Variants in KIAA1217 observed in about 807,000 individuals in gnomAD.
The protein encoded by KIAA1217 is KIAA1217.
A neutral mutation model predicts 163.9 loss-of-function variants in KIAA1217; 88 were observed. The observed-to-expected ratio is 0.54, with a 90% confidence interval of 0.45 to 0.64. KIAA1217 has a LOEUF of 0.64. Among genes scored for constraint, KIAA1217 ranks in the 30% least tolerant of loss-of-function variants. The probability of loss-of-function intolerance (pLI) is 0.00; values close to 1 mark genes in which losing one functional copy is unlikely to be tolerated. For synonymous variants in KIAA1217, 903 were observed against 923.1 expected (o/e 0.98, Z 0.39); for missense variants, 2,372 against 2,475.0 (o/e 0.96, Z 0.88).
At chr10:23,739,063 C>T (rs576916794) in intron 1 of KIAA1217, among the ~76,000 whole-genome samples, 2 of 152,138 alleles carry the variant, frequency 1.3e-5, no homozygotes, top group African/African-American at 2.4e-5. Context: ...AAATACTATT[C>T]ACCTATAAAA....
chr10:24,449,449 T>C (rs929665088), intron 5 of KIAA1217: 12 of 985,356 alleles, frequency 1.2e-5, no homozygotes, highest in Non-Finnish European at 1.4e-5. Flanking sequence ...GGAAGAAACA[T>C]TTCTCGTTAG....
intron 2 of KIAA1217, among the ~76,000 whole-genome samples, chr10:24,329,647 G>A (rs2045401517): frequency 6.6e-6 from 1 of 152,100 alleles, no homozygotes; most frequent in African/African-American, 2.4e-5. Context: ...GTGTTAGATA[G>A]GAATGAAAAT....
intron 2 of KIAA1217, among the ~76,000 whole-genome samples, chr10:24,346,132 T>A (rs2047730090): frequency 4.6e-5 from 7 of 152,172 alleles, no homozygotes; most frequent in Admixed American, 4.6e-4. Flanking sequence ...AAGGTTCACG[T>A]ATGTGGCAGC....
At chr10:24,293,531 A>G (rs1481547068) in intron 2 of KIAA1217, among the ~76,000 whole-genome samples, 2 of 148,738 alleles carry the variant, frequency 1.3e-5, no homozygotes, top group Non-Finnish European at 3.0e-5. Flanking sequence ...CTTTTCCTCT[A>G]GCTTGTAACC....
chr10:23,798,654 T>C (rs968068149), intron 1 of KIAA1217, among the ~76,000 whole-genome samples: 4 of 152,130 alleles, frequency 2.6e-5, no homozygotes, highest in Non-Finnish European at 5.9e-5. Flanking sequence ...CTCCTAAAAC[T>C]AGAAAAGAAA....
At chr10:23,874,975 C>A (rs966011925) in intron 1 of KIAA1217, among the ~76,000 whole-genome samples, 1 of 151,912 alleles carries the variant, frequency 6.6e-6, no homozygotes, top group Non-Finnish European at 1.5e-5. Context: ...TGGTGGAAGA[C>A]AAAGGAGGAG....
At chr10:24,385,661 A>G (rs941854013) in intron 3 of KIAA1217, among the ~76,000 whole-genome samples, 1 of 152,172 alleles carries the variant, frequency 6.6e-6, no homozygotes, top group Admixed American at 6.5e-5. Context: ...ACTTCCACAG[A>G]GTGATGGGTT....
chr10:24,481,654 G>A (rs1312291230), intron 6 of KIAA1217: 1 of 152,160 alleles, frequency 6.6e-6, no homozygotes, highest in African/African-American at 2.4e-5. Flanking sequence ...TTTATTCCAA[G>A]TTCTAAACAA....
chr10:24,523,933 A>G (rs920423252), intron 12 of KIAA1217, among the ~76,000 whole-genome samples: 3 of 152,198 alleles, frequency 2.0e-5, no homozygotes, highest in African/African-American at 4.8e-5. Context: ...ACAGGTTGAG[A>G]TACAGAAGAG....
At chr10:24,262,628 GA>G (rs1331931820) in intron 2 of KIAA1217, among the ~76,000 whole-genome samples, 2,094 of 70,794 alleles carry the variant, frequency 0.03, 32 homozygotes, top group African/African-American at 0.077. Context: ...CCGTCTCAAA[GA>G]AAAAAAAAAA....
At chr10:24,071,255 C>T (rs1035133824) in intron 2 of KIAA1217, among the ~76,000 whole-genome samples, 11 of 152,014 alleles carry the variant, frequency 7.2e-5, no homozygotes, top group Admixed American at 2.0e-4. Flanking sequence ...CAAAACATTG[C>T]GAGTTTTGTT....
At chr10:23,986,937 C>A (rs1194829043) in intron 1 of KIAA1217, among the ~76,000 whole-genome samples, 1 of 151,972 alleles carries the variant, frequency 6.6e-6, no homozygotes, top group Non-Finnish European at 1.5e-5. Context: ...TCTTGGGACC[C>A]TGAGTGCCCT....
At chr10:24,520,627 C>CAAAAAAAAA (rs71472812) in intron 11 of KIAA1217, among the ~76,000 whole-genome samples, 11 of 44,938 alleles carry the variant, frequency 2.4e-4, no homozygotes, top group East Asian at 1.1e-3. Flanking sequence ...ACATCTCTAC[C>CAAAAAAAAA]AAAAAAAAAA....
intron 2 of KIAA1217, among the ~76,000 whole-genome samples, chr10:24,309,933 T>C (rs2042494150): frequency 6.6e-6 from 1 of 152,204 alleles, no homozygotes; most frequent in Admixed American, 6.5e-5. Flanking sequence ...CAATAATTGT[T>C]ATTTGCACCT....
chr10:24,164,598 T>C lies in KIAA1217; in HGVS notation c.-170-55028T>C, dbSNP rs551515198. 2.0e-5 allele frequency among the ~76,000 whole-genome samples: 3 copies of C among 152,284 alleles called. No homozygotes were observed. The East Asian group carries it at 5.8e-4, about 29-fold the overall frequency. On this transcript the variant is annotated intron_variant, in intron 2 of 18. Coordinates refer to the KIAA1217 transcript ENST00000376462. ...GGTCAGTCTGAAAAAGCTTGTAGTT[T>C]GATGGATGTGAGTTTCAGGAGACAC...
At chr10:24,081,036 T>C (rs894148107) in intron 2 of KIAA1217, among the ~76,000 whole-genome samples, 2 of 152,192 alleles carry the variant, frequency 1.3e-5, no homozygotes, top group African/African-American at 4.8e-5. Flanking sequence ...AAAATGAAGC[T>C]GATTTATTTA....
At chr10:24,168,431 A>G (rs2065460057) in intron 2 of KIAA1217, among the ~76,000 whole-genome samples, 1 of 152,218 alleles carries the variant, frequency 6.6e-6, no homozygotes, top group South Asian at 2.1e-4. Context: ...CTCTGTCCAA[A>G]GAAAACTCTT....
At chr10:24,160,317 G>T (rs1049635924) in intron 2 of KIAA1217, among the ~76,000 whole-genome samples, 1 of 151,862 alleles carries the variant, frequency 6.6e-6, no homozygotes, top group South Asian at 2.1e-4. Flanking sequence ...AGGCAAAAAT[G>T]ATATTTTAGC....
intron 2 of KIAA1217, among the ~76,000 whole-genome samples, chr10:24,029,879 G>A (rs1291353834): frequency 2.6e-5 from 4 of 152,186 alleles, no homozygotes; most frequent in Non-Finnish European, 5.9e-5. Flanking sequence ...ATGTGGCTGT[G>A]TGACAATGCA....
Sources: gnomAD v4.1 joint callset for allele counts (sites outside exome capture counted in the v4.1 genomes callset) on GRCh38, gnomAD v4.1.1 for gene constraint, MANE v1.5 for transcripts, NCBI Gene and HGNC (gene_info 2026-07-23, HGNC 2026-07-21) for gene names.